Variants in PRDM16 observed in about 807,000 individuals in gnomAD.
PRDM16 encodes the protein histone-lysine N-methyltransferase PRDM16.
Under a neutral mutation model 110.6 loss-of-function variants are expected in PRDM16, and 23 were observed. The ratio of observed to expected loss-of-function variants is 0.21; its 90% CI spans 0.15 to 0.29. The LOEUF is 0.29. Ranked by LOEUF, PRDM16 falls within the 10% of genes least tolerant of loss-of-function variation. The pLI is 1.00. For missense variants in PRDM16, 1,615 were observed against 1,794.3 expected (o/e 0.90, Z 1.81); for synonymous variants, 799 against 781.8 (o/e 1.02, Z -0.37).
intron 1 of PRDM16, among the ~76,000 whole-genome samples, chr1:3,131,760 G>T (rs1441798227): frequency 6.6e-6 from 1 of 151,950 alleles, no homozygotes. Context: ...TCCAGGCCCC[G>T]CAAACCTCAC....
chr1:3,425,780 G>C lies in PRDM16; in HGVS notation c.3109+30G>C. On this transcript the variant is annotated intron_variant, in intron 13 of 16. Transcript: ENST00000270722. This position sits in a 1 kb window ranked among gnomAD's most constrained non-coding sequence, Gnocchi z 6.9. ...GCCACGCGGGGTGGGGCAGCCCCCAGAGCACCCACACGGGCAGGCCCCACA... is the reference window on the plus strand; with the variant it reads ...GCCACGCGGGGTGGGGCAGCCCCCACAGCACCCACACGGGCAGGCCCCACA... The C allele has an allele frequency of 1.9e-6, 3 of 1,611,672 alleles. No individual in the cohort carries two copies. The highest frequency in any genetic ancestry group is 1.7e-6 in the Non-Finnish European group (2 of 1,179,050).
chr1:3,078,687 T>TGCCAAC (rs1641952016), intron 1 of PRDM16, among the ~76,000 whole-genome samples: 1 of 152,244 alleles, frequency 6.6e-6, no homozygotes, highest in Non-Finnish European at 1.5e-5. Context: ...GGCAGGACAC[T>TGCCAAC]GCCAACGTTT....
intron 3 of PRDM16, among the ~76,000 whole-genome samples, chr1:3,311,078 A>G (rs1410952064): frequency 6.6e-6 from 1 of 152,178 alleles, no homozygotes; most frequent in African/African-American, 2.4e-5. Context: ...CGGCCCCAGG[A>G]CTTCCCAGCT....
chr1:3,324,507 CTG>C (rs1641841385), intron 3 of PRDM16, among the ~76,000 whole-genome samples: 1 of 152,196 alleles, frequency 6.6e-6, no homozygotes, highest in African/African-American at 2.4e-5. Flanking sequence ...GGCCAAAAGA[CTG>C]TACCTGACAT....
chr1:3,072,552 G>A (rs1463855093), intron 1 of PRDM16, among the ~76,000 whole-genome samples: 1 of 152,224 alleles, frequency 6.6e-6, no homozygotes, highest in African/African-American at 2.4e-5. Flanking sequence ...TGGAAGGTGT[G>A]CTGGAGACAG....
At chr1:3,136,798 A>G (rs868681235) in intron 1 of PRDM16, among the ~76,000 whole-genome samples, 3 of 152,248 alleles carry the variant, frequency 2.0e-5, no homozygotes, top group Middle Eastern at 3.4e-3. Context: ...GACAGCTGTA[A>G]TCAATATTTC....
rs1642891596 is a variant in PRDM16 at position 3,370,803 on chromosome 1, A to G, written c.439-14349A>G. 1.3e-5 allele frequency among the ~76,000 whole-genome samples: 2 copies of G among 151,862 alleles called. No homozygotes were observed. Among genetic ancestry groups the G allele is most frequent in the Admixed American group, 1.3e-4 (2 of 15,254 alleles). ...GGGTCTGCTCCCCATCCATCCATCCACTCATTTATTAATCCATCCACCATC... is the reference window on the plus strand; with the variant it reads ...GGGTCTGCTCCCCATCCATCCATCCGCTCATTTATTAATCCATCCACCATC... On this transcript the variant is annotated intron_variant, in intron 3 of 16. Transcript: ENST00000270722. The surrounding 1 kb of genome is among the most constrained non-coding windows in gnomAD (Gnocchi z 4.8).
At chr1:3,134,377 C>T (rs1006996093) in intron 1 of PRDM16, among the ~76,000 whole-genome samples, 1 of 152,248 alleles carries the variant, frequency 6.6e-6, no homozygotes, top group Non-Finnish European at 1.5e-5. Context: ...GCAGGCATGG[C>T]ACGGGCATGG....
chr1:3,094,205 C>T (rs565772857), intron 1 of PRDM16, among the ~76,000 whole-genome samples: 1 of 152,336 alleles, frequency 6.6e-6, no homozygotes, highest in African/African-American at 2.4e-5. Flanking sequence ...GGCCTGGAGC[C>T]GCGGAGGAGA....
rs575552508 is a variant in PRDM16, at chr1:3,219,683, GAGGGCTGAACATGGCAGGAGCA to G, written c.388-24382_388-24361del. 2.6e-4 allele frequency among the ~76,000 whole-genome samples: 40 copies of G among 152,332 alleles called. 1 individual carries two copies. In the South Asian group the frequency reaches 2.9e-3, roughly 11 times the overall value. ...TGTGCAGATAATGTCCCGCAGGAGT[GAGGGCTGAACATGGCAGGAGCA>G]AGGGCTGAACATGGCAGGAGCGGCC... On this transcript the variant is annotated intron_variant, in intron 2 of 16. Transcript: ENST00000270722.
intron 1 of PRDM16, among the ~76,000 whole-genome samples, chr1:3,114,258 G>GCGCACACGTA (rs1642880045): frequency 8.4e-6 from 1 of 118,460 alleles, no homozygotes; most frequent in African/African-American, 3.3e-5. Context: ...GCACACGCAC[G>GCGCACACGTA]CGCACACGTA....
chr1:3,190,237 G>A lies in PRDM16; in HGVS notation c.387+3763G>A, dbSNP rs61759179. On this transcript the variant is annotated intron_variant, in intron 2 of 16. Coordinates refer to ENST00000270722, the MANE Select transcript of PRDM16 (RefSeq NM_022114.4). The surrounding 1 kb of genome is among the most constrained non-coding windows in gnomAD (Gnocchi z 5.0). ...CGTGGGGCAGCCTTACTTCAAGGTC[G>A]TGGGGCAGCCTTACTTCAAGGTCGT... is the stretch of plus-strand genomic sequence containing the variant. Among the ~76,000 whole-genome samples the A allele has an allele frequency of 0.88, 130,127 of 148,116 alleles. 57,337 individuals carry two copies. Among genetic ancestry groups the A allele is most frequent in the Non-Finnish European group, 0.92 (61,331 of 66,780 alleles).
At chr1:3,373,596 C>A (rs1642943271) in intron 3 of PRDM16, among the ~76,000 whole-genome samples, 1 of 152,212 alleles carries the variant, frequency 6.6e-6, no homozygotes, top group Admixed American at 6.5e-5. Context: ...GTCAACCTGG[C>A]GTGACAGACT....
At chr1:3,140,074 GGC>G (rs1177561159) in intron 1 of PRDM16, among the ~76,000 whole-genome samples, 1 of 152,244 alleles carries the variant, frequency 6.6e-6, no homozygotes, top group African/African-American at 2.4e-5. Context: ...GAGCGAGACT[GGC>G]GTTTTAAACC....
At chr1:3,120,170 G>A (rs1019763088) in intron 1 of PRDM16, among the ~76,000 whole-genome samples, 4 of 152,212 alleles carry the variant, frequency 2.6e-5, no homozygotes, top group South Asian at 2.1e-4. Flanking sequence ...TTATCAGTTC[G>A]CAGCTTGAAA....
At chr1:3,226,444 C>T (rs527682342) in intron 2 of PRDM16, among the ~76,000 whole-genome samples, 29 of 152,280 alleles carry the variant, frequency 1.9e-4, no homozygotes, top group Middle Eastern at 3.4e-3. Context: ...CCATCTTGGC[C>T]GTCTCTGCTC....
chr1:3,251,330 G>A (rs1639926832), intron 3 of PRDM16, among the ~76,000 whole-genome samples: 1 of 79,536 alleles, frequency 1.3e-5, no homozygotes, highest in Admixed American at 1.2e-4. Flanking sequence ...TGAGGGCGCA[G>A]CCGTGAGGCA....
intron 4 of PRDM16, among the ~76,000 whole-genome samples, chr1:3,393,676 C>T (rs1405114848): frequency 6.6e-6 from 1 of 152,180 alleles, no homozygotes; most frequent in Non-Finnish European, 1.5e-5. Context: ...GTTCTCGGCG[C>T]GTCTGGCTGA....
chr1:3,087,248 CCAGCCCCACCT>C lies in PRDM16; in HGVS notation c.37+17953_37+17963del, dbSNP rs1285185617. On this transcript the variant is annotated intron_variant, in intron 1 of 16. Coordinates refer to ENST00000270722, the MANE Select transcript of PRDM16 (RefSeq NM_022114.4). ...CACCCGAGACCAGCCCCACCGGAGA[CCAGCCCCACCT>C]GAGACCAGCCCCACCTGAGGCCAGC... 5.2e-4 allele frequency among the ~76,000 whole-genome samples: 77 copies of C among 147,630 alleles called. 2 individuals are homozygous for C. Among genetic ancestry groups the C allele is most frequent in the African/African-American group, 1.9e-3 (74 of 38,746 alleles).
Sources: gnomAD v4.1 joint callset for allele counts (sites outside exome capture counted in the v4.1 genomes callset) on GRCh38, gnomAD v4.1.1 for gene constraint, Gnocchi (gnomAD v3.1) non-coding constraint, MANE v1.5 for transcripts, NCBI Gene and HGNC (gene_info 2026-07-23, HGNC 2026-07-21) for gene names.